DNAL1: variants seen among roughly 807,000 people sequenced by gnomAD.
DNAL1 encodes the protein chromosome 14 open reading frame 168.
DNAL1 carries 17 observed loss-of-function variants against 29.4 expected under a neutral mutation model. The ratio of observed to expected loss-of-function variants is 0.58; its 90% CI spans 0.40 to 0.87. DNAL1 has a LOEUF of 0.87. Ranked by LOEUF, DNAL1 falls within the 40% of genes least tolerant of loss-of-function variation. The pLI, the probability that DNAL1 is intolerant of heterozygous loss-of-function variation, is 0.00. For synonymous variants in DNAL1, 78 were observed against 76.3 expected, an observed-to-expected ratio of 1.02 and a Z score of -0.12; for missense variants, 188 against 214.1, an observed-to-expected ratio of 0.88 and a Z score of 0.76.
rs571937224 is a variant in DNAL1, at chr14:73,663,485, C to T, written c.208+1443C>T. 4.6e-5 allele frequency among the ~76,000 whole-genome samples: 7 copies of T among 152,162 alleles called. No individual in the cohort carries two copies. In the East Asian group the frequency reaches 1.4e-3, roughly 29 times the overall value. ...CCTCCCAAAGTGCTGGGATTATAGG[C>T]GTGAGCCACCACGCCTGGCCAGTTC... On this transcript the variant is annotated intron_variant, in intron 4 of 7. Coordinates refer to ENST00000553645, the MANE Select transcript of DNAL1 (RefSeq NM_031427.4).
At chr14:73,647,609 G>A (rs1891010333) in intron 1 of DNAL1, among the ~76,000 whole-genome samples, 1 of 152,052 alleles carries the variant, frequency 6.6e-6, no homozygotes, top group African/African-American at 2.4e-5. Context: ...GCTGAGTAGA[G>A]GTTATCTTCT....
At chr14:73,677,560 T>A (rs1891765716) in intron 5 of DNAL1, among the ~76,000 whole-genome samples, 1 of 149,434 alleles carries the variant, frequency 6.7e-6, no homozygotes, top group South Asian at 2.1e-4. Context: ...ATTTATTTAT[T>A]TATTTATTTT....
At chr14:73,648,414 A>G (rs550091128) in intron 1 of DNAL1, among the ~76,000 whole-genome samples, 1 of 132,272 alleles carries the variant, frequency 7.6e-6, no homozygotes, top group Admixed American at 7.5e-5. Flanking sequence ...ATATATATAT[A>G]TATTTGTTGT....
chr14:73,649,046 G>A (rs1891050453), intron 1 of DNAL1, among the ~76,000 whole-genome samples: 1 of 151,902 alleles, frequency 6.6e-6, no homozygotes, highest in Non-Finnish European at 1.5e-5. Context: ...TGCAGTCTGG[G>A]CTCACTGCAT....
At chr14:73,689,687 C>T (rs533660396) in intron 7 of DNAL1, among the ~76,000 whole-genome samples, 172 bp downstream of exon 7, 1 of 152,288 alleles carries the variant, frequency 6.6e-6, no homozygotes, top group Admixed American at 6.5e-5. Flanking sequence ...AGATGAAAAA[C>T]TGCTAGGATA....
At position 73,698,441 on chromosome 14, in the gene DNAL1, A is replaced by G. The variant is rs1352566501; in HGVS notation, c.*2499A>G. Reference sequence around the variant, plus strand: ...GCCTCTTGGATCAGATATTTGACCTATGTGGAATAGATTATCTCTGTGCTT... The same window carrying G: ...GCCTCTTGGATCAGATATTTGACCTGTGTGGAATAGATTATCTCTGTGCTT... On this transcript the variant is annotated 3_prime_UTR_variant, in exon 8 of 8. Coordinates refer to ENST00000553645, the MANE Select transcript of DNAL1 (RefSeq NM_031427.4). The G allele has an allele frequency of 6.6e-6, 1 of 152,148 alleles. No individual in the cohort carries two copies. The highest frequency in any genetic ancestry group is 6.5e-5 in the Admixed American group (1 of 15,274). 9.4% of individuals were successfully genotyped at this position (152,148 alleles called of 1,614,324 possible). A position where few individuals can be genotyped will look rare whatever the true frequency, so the allele number is the denominator to read the frequency against.
intron 1 of DNAL1, among the ~76,000 whole-genome samples, chr14:73,647,199 A>G (rs748880211): frequency 6.6e-6 from 1 of 151,750 alleles, no homozygotes; most frequent in African/African-American, 2.4e-5. Flanking sequence ...ACTACTAAAA[A>G]TAGAAAAAAA....
At chr14:73,654,977 T>A in intron 2 of DNAL1, 92 bp downstream of exon 2, 1 of 1,285,242 alleles carries the variant, frequency 7.8e-7, no homozygotes, top group Non-Finnish European at 1.1e-6. Context: ...CAAAGGATCC[T>A]TTTGGTATTG....
At chr14:73,654,436 G>C (rs1860128980) in intron 1 of DNAL1, among the ~76,000 whole-genome samples, 1 of 152,138 alleles carries the variant, frequency 6.6e-6, no homozygotes. Flanking sequence ...GTTATTGCTT[G>C]AAAAGTTAAT....
At chr14:73,680,237 A>G (rs1053200386) in intron 5 of DNAL1, among the ~76,000 whole-genome samples, 4 of 152,176 alleles carry the variant, frequency 2.6e-5, no homozygotes, top group Non-Finnish European at 5.9e-5. Context: ...TCCTCAATGC[A>G]TAGTATTAAT....
intron 6 of DNAL1, among the ~76,000 whole-genome samples, chr14:73,688,993 T>G (rs1892090065): frequency 6.6e-6 from 1 of 151,938 alleles, no homozygotes; most frequent in Non-Finnish European, 1.5e-5. Context: ...ATATTGGAAT[T>G]TAATCCCCAA....
chr14:73,662,807 C>CT (rs61249050), intron 4 of DNAL1, among the ~76,000 whole-genome samples: 3,109 of 135,232 alleles, frequency 0.023, 62 homozygotes, highest in South Asian at 0.12. Context: ...CTGCAAAGTA[C>CT]TTTTTTTTTT....
rs62004949 is a variant in DNAL1 at position 73,689,613 on chromosome 14, C to T, written c.532+98C>T. On this transcript the variant is annotated intron_variant, in intron 7 of 7. Coordinates refer to ENST00000553645, the MANE Select transcript of DNAL1 (RefSeq NM_031427.4). Reference sequence around the variant, plus strand: ...GAGGAGAAAAACTAAAGAAAAAATACCTCTGATCTTCCAGGTCATTTCTAT... The same window carrying T: ...GAGGAGAAAAACTAAAGAAAAAATATCTCTGATCTTCCAGGTCATTTCTAT... 444,414 of 1,500,894 alleles carry T rather than the reference C, an allele frequency of 0.3. 72,863 individuals are homozygous for T. The highest frequency in any genetic ancestry group is 0.34 in the Non-Finnish European group (375,305 of 1,103,102). The allele number at this position is 1,500,894 out of a possible 1,614,324, so 93.0% of individuals were successfully genotyped here. A position where few individuals can be genotyped will look rare whatever the true frequency, so the allele number is the denominator to read the frequency against.
chr14:73,681,617 A>ATATAT (rs1891879010), intron 5 of DNAL1, among the ~76,000 whole-genome samples: 3 of 47,676 alleles, frequency 6.3e-5, no homozygotes, highest in African/African-American at 9.5e-5. Context: ...AAAAAAAAAA[A>ATATAT]AAAAAAAAAA....
chr14:73,653,662 C>T (rs946401486), intron 1 of DNAL1, among the ~76,000 whole-genome samples: 1 of 152,044 alleles, frequency 6.6e-6, no homozygotes, highest in Non-Finnish European at 1.5e-5. Context: ...CTAGCTTAGG[C>T]CCTGTTTTAA....
intron 4 of DNAL1, among the ~76,000 whole-genome samples, chr14:73,663,795 G>A (rs945325187): frequency 1.3e-5 from 2 of 152,174 alleles, no homozygotes; most frequent in Non-Finnish European, 2.9e-5. Context: ...GCAGTGGAAA[G>A]GGAACCCCAA....
intron 5 of DNAL1, among the ~76,000 whole-genome samples, chr14:73,674,031 TTACTG>T (rs368578691): frequency 6.6e-6 from 1 of 151,726 alleles, no homozygotes; most frequent in African/African-American, 2.4e-5. Flanking sequence ...TTAAAAATGA[TTACTG>T]TAATGTGTGA....
At chr14:73,677,352 T>TA (rs1891759019) in intron 5 of DNAL1, among the ~76,000 whole-genome samples, 2 of 151,242 alleles carry the variant, frequency 1.3e-5, no homozygotes, top group Non-Finnish European at 2.9e-5. Context: ...CTTTTTTTTT[T>TA]AGAGGCAGGG....
intron 7 of DNAL1, among the ~76,000 whole-genome samples, chr14:73,690,812 A>G (rs1892156558): frequency 6.6e-6 from 1 of 152,198 alleles, no homozygotes; most frequent in African/African-American, 2.4e-5. Flanking sequence ...CAAGTCAGAA[A>G]GGTAACACAA....
Sources: gnomAD v4.1 joint callset for allele counts (sites outside exome capture counted in the v4.1 genomes callset) on GRCh38, gnomAD v4.1.1 for gene constraint, MANE v1.5 for transcripts, NCBI Gene and HGNC (gene_info 2026-07-23, HGNC 2026-07-21) for gene names.